The following USP7 variants were observed in gnomAD, a reference collection of about 807,000 sequenced individuals.
USP7 encodes ubiquitin specific peptidase 7, also known as ubiquitin C-terminal hydrolase 7.
USP7 carries 9 observed loss-of-function variants against 162.9 expected under a neutral mutation model. The ratio of observed to expected loss-of-function variants is 0.06; its 90% CI spans 0.03 to 0.10. The LOEUF (loss-of-function observed/expected upper bound fraction) is 0.10, where lower values mean the gene tolerates loss of function less well. USP7 is among the 10% of genes least tolerant of loss of function. The probability of loss-of-function intolerance (pLI) is 1.00; values close to 1 mark genes in which losing one functional copy is unlikely to be tolerated. For missense variants in USP7, 715 were observed against 1,373.7 expected (o/e 0.52, Z 7.58); for synonymous variants, 562 against 475.9 (o/e 1.18, Z -2.35).
At chr16:8,899,283 C>G (rs2061738411) in intron 22 of USP7, 95 bp from the exon 23 acceptor site, 1 of 1,250,348 alleles carries the variant, frequency 8.0e-7, no homozygotes, top group African/African-American at 1.5e-5. Context: ...CATGAGCAGC[C>G]TGAATTTAAA....
chr16:8,899,243 A>C (rs2061737617), intron 22 of USP7, 55 bp from the exon 23 acceptor site: 1 of 1,568,280 alleles, frequency 6.4e-7, no homozygotes, highest in Non-Finnish European at 8.8e-7. Context: ...ACTTGGTCAT[A>C]AACTTCATGC....
At chr16:8,903,699 C>T (rs1214206475) in intron 15 of USP7, among the ~76,000 whole-genome samples, 2 of 151,974 alleles carry the variant, frequency 1.3e-5, no homozygotes, top group South Asian at 4.2e-4. Context: ...GAAACCCTGT[C>T]TCTACTAAAA....
chr16:8,938,663 A>G (rs1281265548), intron 1 of USP7, among the ~76,000 whole-genome samples: 1 of 151,576 alleles, frequency 6.6e-6, no homozygotes, highest in Non-Finnish European at 1.5e-5. Context: ...GTGAGCGGAG[A>G]TCGCACCACT....
At chr16:8,922,509 C>T (rs931127210) in intron 3 of USP7, among the ~76,000 whole-genome samples, 1 of 152,118 alleles carries the variant, frequency 6.6e-6, no homozygotes, top group Non-Finnish European at 1.5e-5. Context: ...GGGGATCTGA[C>T]AGAACAGCCA....
intron 2 of USP7, among the ~76,000 whole-genome samples, chr16:8,925,083 ACAGCTGAT>A (rs1307917615): frequency 2.6e-4 from 39 of 152,330 alleles, no homozygotes; most frequent in African/African-American, 7.9e-4. Flanking sequence ...CATGCAATTC[ACAGCTGAT>A]CAGGAGTTAA....
chr16:8,941,544 A>T (rs1375508830), intron 1 of USP7, among the ~76,000 whole-genome samples: 1 of 152,210 alleles, frequency 6.6e-6, no homozygotes, highest in African/African-American at 2.4e-5. Context: ...AAGCCAAAAC[A>T]CATTTCGGCT....
intron 1 of USP7, among the ~76,000 whole-genome samples, chr16:8,946,690 A>G (rs2248802): frequency 0.96 from 146,693 of 152,262 alleles, 70,854 homozygotes; most frequent in Non-Finnish European, 1. Context: ...TCACTGGCCT[A>G]TACCCCAGCC....
chr16:8,948,749 A>T (rs957387044), intron 1 of USP7, among the ~76,000 whole-genome samples: 1 of 152,080 alleles, frequency 6.6e-6, no homozygotes, highest in East Asian at 1.9e-4. Flanking sequence ...ACACAACGAT[A>T]AAAGCAGCCA....
intron 8 of USP7, 90 bp downstream of exon 8, chr16:8,916,412 A>T (rs1840987694): frequency 3.1e-6 from 2 of 642,524 alleles, no homozygotes; most frequent in Admixed American, 1.2e-4. Flanking sequence ...CATTTTCTGA[A>T]TTAGGTCTGA....
At position 8,914,869 on chromosome 16, in the gene USP7, T is replaced by G. The variant is rs2062004521; in HGVS notation, c.1078+385A>C. Among the ~76,000 whole-genome samples, 3 of 152,158 alleles carry G rather than the reference T, an allele frequency of 2.0e-5. No homozygotes were observed. The South Asian group carries it at 6.2e-4, about 31-fold the overall frequency. On this transcript the variant is annotated intron_variant, in intron 10 of 30. Coordinates refer to ENST00000344836, the MANE Select transcript of USP7 (RefSeq NM_003470.3). ...TGGAGTTCGAGGCTGCACTGAGCTA[T>G]GGTTGCACCCCAGCCTGTACAGCAC...
At chr16:8,930,430 T>C in intron 1 of USP7, 33 bp from the exon 2 acceptor site, 2 of 1,537,150 alleles carry the variant, frequency 1.3e-6, no homozygotes, top group Non-Finnish European at 1.8e-6. Flanking sequence ...CCACGGGTTT[T>C]ACATTCATGG....
At chr16:8,960,042 T>C (rs1899950506) in intron 1 of USP7, among the ~76,000 whole-genome samples, 1 of 152,342 alleles carries the variant, frequency 6.6e-6, no homozygotes, top group South Asian at 2.1e-4. Flanking sequence ...GTTGATTCAA[T>C]AGCGTCTACA....
At chr16:8,930,272 C>A (rs372916610) in intron 2 of USP7, 21 bp downstream of exon 2, 1 of 1,589,806 alleles carries the variant, frequency 6.3e-7, no homozygotes, top group Non-Finnish European at 8.6e-7. Context: ...CACTGCGAGG[C>A]GGTGAACCAC....
chr16:8,938,909 T>A (rs1426035912), intron 1 of USP7, among the ~76,000 whole-genome samples: 3 of 152,216 alleles, frequency 2.0e-5, no homozygotes, highest in Non-Finnish European at 4.4e-5. Flanking sequence ...TACACTGTTT[T>A]GTATGAGGAA....
At chr16:8,915,053 G>A (rs1381179515) in intron 10 of USP7, among the ~76,000 whole-genome samples, 1 of 152,176 alleles carries the variant, frequency 6.6e-6, no homozygotes, top group African/African-American at 2.4e-5. Flanking sequence ...GTGGTGGCTG[G>A]GAAGGGCTGT....
chr16:8,919,197 G>C, intron 5 of USP7, 58 bp from the exon 6 acceptor site: 1 of 1,554,708 alleles, frequency 6.4e-7, no homozygotes, highest in South Asian at 1.1e-5. Context: ...CTCCTGCAGT[G>C]TGTGTGAAGC....
intron 1 of USP7, chr16:8,949,690 TC>T (rs966673378): frequency 1.3e-5 from 2 of 152,348 alleles, no homozygotes; most frequent in Non-Finnish European, 2.9e-5. Flanking sequence ...CTCTGTGCAT[TC>T]ATCACCTTCT....
chr16:8,932,923 A>C (rs1015729852), intron 1 of USP7, among the ~76,000 whole-genome samples: 2 of 152,178 alleles, frequency 1.3e-5, no homozygotes, highest in African/African-American at 4.8e-5. Flanking sequence ...AAGGCCTATT[A>C]AATAAATTAT....
At position 8,915,276 on chromosome 16, in the gene USP7, T is replaced by G. The variant is rs1403623735; in HGVS notation, c.1056A>C (p.Leu352=). 6.2e-7 allele frequency: 1 copy of G among 1,611,178 alleles called. No individual in the cohort carries two copies. The highest frequency in any genetic ancestry group is 8.5e-7 in the Non-Finnish European group (1 of 1,179,326). Residue 352 remains leucine, a synonymous_variant, in exon 10 of 31, where the codon CTA becomes CTC. Coordinates refer to ENST00000344836, the MANE Select transcript of USP7 (RefSeq NM_003470.3). The part of the protein sequence containing the change: ...DRREDYYDIQ[L]SIKGKKNIFE... ...TACTATTTTTCTTTCCTTTGATACT[T>G]AGCTGGATATCATAATAATCTTCTC...
Sources: allele counts gnomAD v4.1 joint callset (sites outside exome capture counted in the v4.1 genomes callset), GRCh38; gene constraint gnomAD v4.1.1; transcripts MANE v1.5; gene names NCBI Gene and HGNC (gene_info 2026-07-23, HGNC 2026-07-21).